The following ZFAT variants were observed in gnomAD, a reference collection of about 807,000 sequenced individuals.
The protein encoded by ZFAT is zinc finger and AT-hook domain containing, also known as zinc finger protein ZFAT.
A neutral mutation model predicts 117.7 loss-of-function variants in ZFAT; 64 were observed. The observed-to-expected ratio is 0.54, with a 90% CI of 0.44 to 0.67. ZFAT has a LOEUF of 0.67. Ranked by LOEUF, ZFAT falls within the 30% of genes least tolerant of loss-of-function variation. ZFAT has a pLI of 0.00. For synonymous variants in ZFAT, 679 were observed against 615.0 expected (o/e 1.10, Z -1.54); for missense variants, 1,433 against 1,584.5 (o/e 0.90, Z 1.62).
chr8:134,762,063 A>G, the ZFAT span, among the ~76,000 whole-genome samples: 2 of 151,938 alleles, frequency 1.3e-5, no homozygotes, highest in East Asian at 1.9e-4. Flanking sequence ...AACTTCTCAA[A>G]TACGTTTAAG....
the ZFAT span, among the ~76,000 whole-genome samples, chr8:134,726,657 C>A: frequency 1.2e-4 from 19 of 152,112 alleles, no homozygotes; most frequent in African/African-American, 4.6e-4. Context: ...TGCAGTGCTG[C>A]GATCTCAGCT....
chr8:134,508,972 A>T (rs1156834700), intron 15 of ZFAT, among the ~76,000 whole-genome samples: 1 of 152,220 alleles, frequency 6.6e-6, no homozygotes, highest in Non-Finnish European at 1.5e-5. Flanking sequence ...TTGTAAAATG[A>T]AACAGGAGGT....
At chr8:134,583,091 GC>G (rs2130845752) in intron 10 of ZFAT, among the ~76,000 whole-genome samples, 1 of 146,642 alleles carries the variant, frequency 6.8e-6, no homozygotes, top group African/African-American at 2.5e-5. Flanking sequence ...GGGAGACTGT[GC>G]CCACTGCCCA....
At chr8:134,610,795 G>GT in intron 3 of ZFAT, 140 bp from the exon 4 acceptor site, 1 of 928,402 alleles carries the variant, frequency 1.1e-6, no homozygotes, top group Non-Finnish European at 1.6e-6. Context: ...CGGAATCACT[G>GT]TAGGTACCAC....
the ZFAT span, chr8:134,797,453 C>G: frequency 6.6e-6 from 1 of 152,052 alleles, no homozygotes. Flanking sequence ...GTTTCTCAAA[C>G]TAATTTTAAA....
chr8:134,679,403 C>A (rs1439912043), intron 1 of ZFAT, among the ~76,000 whole-genome samples: 1 of 152,182 alleles, frequency 6.6e-6, no homozygotes, highest in East Asian at 1.9e-4. Context: ...CATCTCGCAC[C>A]AGTTAGAATG....
chr8:134,681,176 G>C (rs1181192010), intron 1 of ZFAT, among the ~76,000 whole-genome samples: 1 of 152,206 alleles, frequency 6.6e-6, no homozygotes, highest in Admixed American at 6.5e-5. Context: ...TCTGCTGGGA[G>C]GGAAGTTTGG....
intron 2 of ZFAT, chr8:134,640,001 C>T (rs184088354): frequency 1.4e-4 from 50 of 350,616 alleles, no homozygotes; most frequent in Non-Finnish European, 2.5e-4. Flanking sequence ...CCCCGGATGT[C>T]CCTCCTGATG....
At chr8:134,486,666 C>T (rs569671173) in intron 15 of ZFAT, among the ~76,000 whole-genome samples, 1 of 152,268 alleles carries the variant, frequency 6.6e-6, no homozygotes, top group East Asian at 1.9e-4. Flanking sequence ...AGATCCAGAT[C>T]CAGCCTTCCG....
chr8:134,781,529 G>A, the ZFAT span, among the ~76,000 whole-genome samples: 1 of 152,158 alleles, frequency 6.6e-6, no homozygotes, highest in Non-Finnish European at 1.5e-5. Flanking sequence ...AACTTGGTGT[G>A]ATCTGTGTTT....
In ZFAT at chr8:134,509,569, C is replaced by T. The variant is rs1819656155; in HGVS notation, c.3492+50G>A. Reference sequence around the variant, plus strand: ...AGAAACACAGGGAGAAGGAGAGAACCTGACTGTGAGACACACAGAGATGAA... The same window carrying T: ...AGAAACACAGGGAGAAGGAGAGAACTTGACTGTGAGACACACAGAGATGAA... On this transcript the variant is annotated intron_variant, in intron 15 of 15. Transcript: ENST00000377838. 4 of 1,608,900 alleles carry T rather than the reference C, an allele frequency of 2.5e-6. No individual in the cohort carries two copies. In the African/African-American group the frequency reaches 4.0e-5, roughly 16 times the overall value.
the ZFAT span, among the ~76,000 whole-genome samples, chr8:134,760,297 A>C: frequency 4.3e-5 from 3 of 70,316 alleles, no homozygotes; most frequent in Non-Finnish European, 9.8e-5. Context: ...AACAAACAAA[A>C]AACAAACAAA....
chr8:134,512,326 G>A, intron 14 of ZFAT, 149 bp downstream of exon 14: 1 of 1,174,956 alleles, frequency 8.5e-7, no homozygotes, highest in Non-Finnish European at 1.2e-6. Flanking sequence ...TCTGGGGGCT[G>A]GCAATGGGGC....
At chr8:134,580,893 C>T (rs1825666610) in intron 10 of ZFAT, among the ~76,000 whole-genome samples, 1 of 151,678 alleles carries the variant, frequency 6.6e-6, no homozygotes, top group South Asian at 2.1e-4. Flanking sequence ...AGAATTTTGC[C>T]CCAAACTGAG....
intron 3 of ZFAT, among the ~76,000 whole-genome samples, chr8:134,611,770 T>C (rs868098761): frequency 4.1e-4 from 63 of 152,230 alleles, no homozygotes; most frequent in African/African-American, 1.3e-3. Context: ...GCCTGCCTGC[T>C]GCCTCTGGAA....
the ZFAT span, chr8:134,785,530 C>T: frequency 6.8e-6 from 1 of 147,714 alleles, no homozygotes; most frequent in Non-Finnish European, 1.5e-5. Flanking sequence ...GGTCTTTAAT[C>T]TACCAGTTTT....
At chr8:134,510,351 C>T (rs1208666352) in intron 14 of ZFAT, among the ~76,000 whole-genome samples, 1 of 152,206 alleles carries the variant, frequency 6.6e-6, no homozygotes, top group African/African-American at 2.4e-5. Context: ...AGGCCATCTG[C>T]AACCGTCCTG....
upstream of ZFAT, among the ~76,000 whole-genome samples, chr8:134,716,446 A>G (rs1814212716): frequency 6.6e-6 from 1 of 152,208 alleles, no homozygotes; most frequent in African/African-American, 2.4e-5. Flanking sequence ...GTGCCATCAC[A>G]TCCCCGGTCT....
chr8:134,509,808 A>T, intron 14 of ZFAT, 59 bp from the exon 15 acceptor site: 1 of 1,531,270 alleles, frequency 6.5e-7, no homozygotes, highest in Non-Finnish European at 8.7e-7. Context: ...AGGACATGGA[A>T]TGCAAAACCA....
Sources: allele counts gnomAD v4.1 joint callset (sites outside exome capture counted in the v4.1 genomes callset), GRCh38; gene constraint gnomAD v4.1.1; transcripts MANE v1.5; gene names NCBI Gene and HGNC (gene_info 2026-07-23, HGNC 2026-07-21).